PDK1: variants seen among roughly 807,000 people sequenced by gnomAD.
The protein encoded by PDK1 is pyruvate dehydrogenase kinase 1, also known as [Pyruvate dehydrogenase (acetyl-transferring)] kinase isozyme 1, mitochondrial.
In PDK1, 39 loss-of-function variants were observed where a neutral mutation model predicts 54.2. The ratio of observed to expected loss-of-function variants is 0.72; its 90% CI spans 0.56 to 0.94. The LOEUF (loss-of-function observed/expected upper bound fraction) is 0.94, where lower values mean the gene tolerates loss of function less well. PDK1 is among the 40% of genes least tolerant of loss of function. The pLI is 0.00. For synonymous variants in PDK1, 221 were observed against 207.1 expected (o/e 1.07, Z -0.58); for missense variants, 552 against 566.0 (o/e 0.98, Z 0.25).
At chr2:172,691,232 A>C in the PDK1 span, 3 of 150,290 alleles carry the variant, frequency 2.0e-5, no homozygotes, top group Admixed American at 2.0e-4. Context: ...TCAACATCCC[A>C]CAGCATAGGG....
the PDK1 span, among the ~76,000 whole-genome samples, chr2:172,721,336 T>C: frequency 1.3e-5 from 2 of 152,288 alleles, no homozygotes; most frequent in Admixed American, 6.5e-5. Context: ...AGAACTCCCA[T>C]TGTATCTTTT....
the PDK1 span, among the ~76,000 whole-genome samples, chr2:172,634,285 A>ATTATTATTATTATTATTG: frequency 6.7e-6 from 1 of 148,572 alleles, no homozygotes; most frequent in Admixed American, 6.7e-5. Context: ...TATTATTATT[A>ATTATTATTATTATTATTG]TTTTGGAGAC....
At chr2:172,564,082 G>A (rs913951474) in intron 3 of PDK1, 2 of 472,274 alleles carry the variant, frequency 4.2e-6, no homozygotes, top group African/African-American at 4.0e-5. Context: ...AGGCTTTATT[G>A]GCTCATTCAT....
chr2:172,562,282 C>T lies in PDK1; in HGVS notation c.401C>T (p.Ala134Val), dbSNP rs139549043. The T allele has an allele frequency of 1.1e-5, 18 of 1,588,084 alleles. No homozygotes were observed. Among genetic ancestry groups the T allele is most frequent in the African/African-American group, 2.7e-5 (2 of 74,370 alleles). ...FKDKSAEDAK[A>V]IYDFTDTVIR... The stretch of plus-strand genomic sequence containing the variant: ...GACAAAAGTGCTGAGGATGCTAAAG[C>T]TATTTATGAGTAAGTTCACTATTTT... Residue 134 changes from alanine to valine, a missense_variant, in exon 3 of 11, where the codon GCT becomes GTT. Physicochemically the swap from Ala to Val is moderately conservative, Grantham distance 64 (BLOSUM62 0). Transcript: ENST00000282077.
chr2:172,658,686 G>C, the PDK1 span, among the ~76,000 whole-genome samples: 8 of 152,164 alleles, frequency 5.3e-5, no homozygotes, highest in East Asian at 1.4e-3. Flanking sequence ...TGCATTCCTG[G>C]GGGGAGGTCT....
the PDK1 span, among the ~76,000 whole-genome samples, chr2:172,615,001 T>TTTTTGG: frequency 6.6e-6 from 1 of 152,240 alleles, no homozygotes; most frequent in African/African-American, 2.4e-5. Flanking sequence ...TAATACTGTT[T>TTTTTGG]ACACTTTTTC....
chr2:172,570,077 C>T lies in PDK1; in HGVS notation c.847-649C>T, dbSNP rs185453799. 1.1e-3 allele frequency among the ~76,000 whole-genome samples: 163 copies of T among 152,288 alleles called. 1 individual carries two copies. Among genetic ancestry groups the T allele is most frequent in the African/African-American group, 3.7e-3 (154 of 41,572 alleles). On this transcript the variant is annotated intron_variant, in intron 7 of 10. Transcript: ENST00000282077. ...GAGGACTCAATCGCAATTGCTGTGC[C>T]AGGGCCACACACTCTTACTTCCAAA...
intron 8 of PDK1, among the ~76,000 whole-genome samples, chr2:172,582,977 T>G (rs1558947050): frequency 6.6e-6 from 1 of 152,218 alleles, no homozygotes; most frequent in East Asian, 1.9e-4. Flanking sequence ...CTTGCTAGGT[T>G]GTTGTTACAG....
At position 172,556,107 on chromosome 2, in the gene PDK1, G is replaced by A; in HGVS notation, c.-44G>A. 1 of 1,336,754 alleles carries A rather than the reference G, an allele frequency of 7.5e-7. No homozygotes were observed. The allele number at this position is 1,336,754 out of a possible 1,614,324, so 82.8% of individuals were successfully genotyped here. ...CACGTACCACTCGGCAGAGGCGCGGGGAAACCTGGCGTACTGGCTGTGGCT... is the reference window on the plus strand; with the variant it reads ...CACGTACCACTCGGCAGAGGCGCGGAGAAACCTGGCGTACTGGCTGTGGCT... On this transcript the variant is annotated 5_prime_UTR_variant, in exon 1 of 11. Transcript: ENST00000282077.
At chr2:172,637,676 A>G in the PDK1 span, among the ~76,000 whole-genome samples, 1 of 151,940 alleles carries the variant, frequency 6.6e-6, no homozygotes, top group African/African-American at 2.4e-5. Context: ...CTTCTACATC[A>G]ATAGGCTGCA....
At chr2:172,556,884 G>A (rs1688364273) in intron 1 of PDK1, among the ~76,000 whole-genome samples, 1 of 152,184 alleles carries the variant, frequency 6.6e-6, no homozygotes, top group Non-Finnish European at 1.5e-5. Context: ...AGTAAGTCTT[G>A]GGCACGTGTT....
rs1192143469 is a variant in PDK1 at position 172,607,384 on chromosome 2, C to G, written c.*11415C>G. 1 of 152,150 alleles carries G rather than the reference C, an allele frequency of 6.6e-6. No individual in the cohort carries two copies. The highest frequency in any genetic ancestry group is 2.4e-5 in the African/African-American group (1 of 41,422). The allele number at this position is 152,150 out of a possible 1,614,324, so 9.4% of individuals were successfully genotyped here. ...AATTGGCTAAGTTTCATATACAGTTCTTTCTAAAACTCCTTCTGTTCTCTA... is the reference window on the plus strand; with the variant it reads ...AATTGGCTAAGTTTCATATACAGTTGTTTCTAAAACTCCTTCTGTTCTCTA... On this transcript the variant is annotated 3_prime_UTR_variant, in exon 11 of 11. Transcript: ENST00000282077.
rs1321383041 is a variant in PDK1, at chr2:172,600,463, T to C, written c.*4494T>C. ...CATCTCTTTACTCTCAGTATCTCCATAATGGCCAGTATGTAGTAGGCACCT... is the reference window on the plus strand; with the variant it reads ...CATCTCTTTACTCTCAGTATCTCCACAATGGCCAGTATGTAGTAGGCACCT... On this transcript the variant is annotated 3_prime_UTR_variant, in exon 11 of 11. Transcript: ENST00000282077. 6.6e-6 allele frequency: 1 copy of C among 152,232 alleles called. No individual in the cohort carries two copies. Among genetic ancestry groups the C allele is most frequent in the Non-Finnish European group, 1.5e-5 (1 of 68,046 alleles). The allele number at this position is 152,232 out of a possible 1,614,324, so 9.4% of individuals were successfully genotyped here. A position where few individuals can be genotyped will look rare whatever the true frequency, so the allele number is the denominator to read the frequency against.
At chr2:172,668,357 A>T in the PDK1 span, among the ~76,000 whole-genome samples, 1 of 150,224 alleles carries the variant, frequency 6.7e-6, no homozygotes, top group South Asian at 2.1e-4. Context: ...ATTCGTTCCC[A>T]CTTATATCTC....
At chr2:172,671,926 A>G in the PDK1 span, among the ~76,000 whole-genome samples, 1 of 152,228 alleles carries the variant, frequency 6.6e-6, no homozygotes, top group Non-Finnish European at 1.5e-5. Flanking sequence ...TGAATTCTCA[A>G]TAAATATTTA....
intron 8 of PDK1, among the ~76,000 whole-genome samples, chr2:172,574,519 A>T (rs938526362): frequency 6.6e-6 from 1 of 152,180 alleles, no homozygotes; most frequent in Non-Finnish European, 1.5e-5. Context: ...TAGAGTTAAC[A>T]ATATTAACTC....
At chr2:172,675,768 A>G in the PDK1 span, among the ~76,000 whole-genome samples, 6 of 152,362 alleles carry the variant, frequency 3.9e-5, no homozygotes, top group African/African-American at 1.4e-4. Context: ...GCTACACTAA[A>G]CAACAAATTT....
intron 7 of PDK1, 54 bp from the exon 8 acceptor site, chr2:172,570,672 C>T (rs933232247): frequency 1.9e-6 from 2 of 1,045,892 alleles, no homozygotes; most frequent in African/African-American, 1.6e-5. Context: ...TTGAAAATTA[C>T]ACTTTCTCTT....
At chr2:172,717,633 C>T in the PDK1 span, among the ~76,000 whole-genome samples, 1 of 152,104 alleles carries the variant, frequency 6.6e-6, no homozygotes, top group Non-Finnish European at 1.5e-5. Context: ...GGCTCACTGC[C>T]TCCTGGGTTC....
Sources: gnomAD v4.1 joint callset for allele counts (sites outside exome capture counted in the v4.1 genomes callset) on GRCh38, gnomAD v4.1.1 for gene constraint, MANE v1.5 for transcripts, NCBI Gene and HGNC (gene_info 2026-07-23, HGNC 2026-07-21) for gene names.